Variants in PLEKHA5 observed in about 807,000 individuals in gnomAD.
PLEKHA5 encodes pleckstrin homology domain-containing family A member 5.
PLEKHA5 carries 55 observed loss-of-function variants against 181.9 expected under a neutral mutation model. The ratio of observed to expected loss-of-function variants is 0.30; its 90% CI spans 0.24 to 0.38. The LOEUF (loss-of-function observed/expected upper bound fraction) is 0.38. PLEKHA5 is among the 10% of genes least tolerant of loss of function. PLEKHA5 has a pLI of 1.00. For synonymous variants in PLEKHA5, 535 were observed against 529.4 expected (o/e 1.01, Z -0.15); for missense variants, 1,432 against 1,549.5 (o/e 0.92, Z 1.27).
At chr12:19,306,473 C>G (rs746667969) in intron 15 of PLEKHA5, 1 of 659,870 alleles carries the variant, frequency 1.5e-6, no homozygotes, top group Admixed American at 2.0e-5. Flanking sequence ...TCCCACGAAC[C>G]GGTTCCTCTT....
At chr12:19,374,187 T>A (rs2095655721) in intron 31 of PLEKHA5, among the ~76,000 whole-genome samples, 1 of 152,124 alleles carries the variant, frequency 6.6e-6, no homozygotes, top group African/African-American at 2.4e-5. Flanking sequence ...AGTGGAGTTA[T>A]GCAAATGTTT....
At chr12:19,159,209 C>T (rs2042424129) in intron 3 of PLEKHA5, among the ~76,000 whole-genome samples, 1 of 152,128 alleles carries the variant, frequency 6.6e-6, no homozygotes, top group African/African-American at 2.4e-5. Context: ...CTGTTTATTT[C>T]CTCCTGTTTG....
chr12:19,236,168 C>T (rs1280620113), intron 3 of PLEKHA5, among the ~76,000 whole-genome samples: 2 of 152,166 alleles, frequency 1.3e-5, no homozygotes, highest in East Asian at 3.8e-4. Context: ...TACCAACAAA[C>T]TCTGGTTTGA....
intron 20 of PLEKHA5, among the ~76,000 whole-genome samples, chr12:19,332,299 T>G (rs537046979): frequency 4.2e-4 from 64 of 152,094 alleles, no homozygotes; most frequent in Admixed American, 7.2e-4. Flanking sequence ...CAATCCCTCC[T>G]CCTGCCCAAC....
Position 19,361,567 on chromosome 12 carries a change from CT to C in PLEKHA5, c.3484-10del, listed in dbSNP as rs1482031124. The C allele has an allele frequency of 1.5e-6, 2 of 1,294,512 alleles. No individual in the cohort carries two copies. Among genetic ancestry groups the C allele is most frequent in the East Asian group, 2.3e-5 (1 of 42,756 alleles). 80.2% of individuals were successfully genotyped at this position (1,294,512 alleles called of 1,614,324 possible). On this transcript the variant is annotated splice_polypyrimidine_tract_variant and intron_variant, in intron 28 of 31. Transcript: ENST00000429027. ...AGAATTCTTTGAAAAGAAAATTTTT[CT>C]TTTTATTCTACAGTTAAAAAAAACT...
chr12:19,358,277 G>A lies in PLEKHA5; in HGVS notation c.3188G>A (p.Arg1063Gln), dbSNP rs1374972914. 28 of 1,613,806 alleles carry A rather than the reference G, an allele frequency of 1.7e-5. No individual in the cohort carries two copies. Among genetic ancestry groups the A allele is most frequent in the Middle Eastern group, 3.3e-4 (2 of 6,084 alleles). Residue 1063 changes from arginine (R) to glutamine (Q), a missense_variant, in exon 27 of 32, where the codon CGA (arginine) becomes CAA (glutamine). Transcript: ENST00000429027. The stretch of plus-strand genomic sequence containing the variant: ...CAGCTCTGTTTGGCTGAAAGTACTC[G>A]ACCAAGGATGACTGTGGAAGAGCAA... Reference protein sequence around the residue: ...VEQLCLAESTRPRMTVEEQME... With the variant: ...VEQLCLAESTQPRMTVEEQME...
chr12:19,269,239 T>G lies in PLEKHA5; in HGVS notation c.712-531T>G, dbSNP rs559769046. ...CCCGTCTCTACTAAAATACAAAAAT[T>G]AGTTGGGCATGGTGGCACATGCCTG... On this transcript the variant is annotated intron_variant, in intron 8 of 31. Transcript: ENST00000429027. 3.3e-5 allele frequency among the ~76,000 whole-genome samples: 5 copies of G among 151,946 alleles called. No homozygotes were observed. In the South Asian group the frequency reaches 1.0e-3, roughly 32 times the overall value.
intron 25 of PLEKHA5, among the ~76,000 whole-genome samples, chr12:19,352,349 T>C (rs2094642701): frequency 6.6e-6 from 1 of 151,246 alleles, no homozygotes; most frequent in Non-Finnish European, 1.5e-5. Flanking sequence ...CGTGCCATTG[T>C]ACTTCAGCCT....
chr12:19,327,544 C>G (rs2092340664), intron 20 of PLEKHA5, among the ~76,000 whole-genome samples: 1 of 151,594 alleles, frequency 6.6e-6, no homozygotes, highest in Admixed American at 6.6e-5. Flanking sequence ...ATTCTGTAGG[C>G]TGTTTACTCC....
At chr12:19,288,076 TCA>T in intron 13 of PLEKHA5, 1 of 229,906 alleles carries the variant, frequency 4.3e-6, no homozygotes, top group Non-Finnish European at 7.9e-6. Flanking sequence ...AGACTCTGTC[TCA>T]AAAAAAAAAA....
intron 3 of PLEKHA5, among the ~76,000 whole-genome samples, chr12:19,155,877 A>G (rs946047217): frequency 6.6e-6 from 1 of 152,218 alleles, no homozygotes; most frequent in Non-Finnish European, 1.5e-5. Context: ...GACTCTGAAA[A>G]TAACTCATCT....
intron 15 of PLEKHA5, among the ~76,000 whole-genome samples, chr12:19,295,241 A>T (rs2079461477): frequency 6.6e-6 from 1 of 152,226 alleles, no homozygotes; most frequent in Non-Finnish European, 1.5e-5. Context: ...GTTGTTGCTG[A>T]ATATTGGAGA....
At chr12:19,257,190 A>T (rs1020986342) in intron 5 of PLEKHA5, among the ~76,000 whole-genome samples, 5 of 152,180 alleles carry the variant, frequency 3.3e-5, no homozygotes, top group African/African-American at 1.2e-4. Context: ...TGTATATCCT[A>T]TCCAGATTTT....
At position 19,366,654 on chromosome 12, in the gene PLEKHA5, G is replaced by A. The variant is rs1392905130; in HGVS notation, c.3754+545G>A. 4.6e-5 allele frequency among the ~76,000 whole-genome samples: 7 copies of A among 152,146 alleles called. No individual in the cohort carries two copies. In the East Asian group the frequency reaches 7.8e-4, roughly 17 times the overall value. On this transcript the variant is annotated intron_variant, in intron 30 of 31. Coordinates refer to ENST00000429027, the MANE Select transcript of PLEKHA5 (RefSeq NM_001256470.2). ...GGTGACAGAGCGAGACTCCTTCTCA[G>A]AAAAGAAAAGAAAATCTTTCAGTAC...
rs2081959494 is a variant in PLEKHA5, at chr12:19,302,905, A to ATTTTTT, written c.2037+11208_2037+11209insTTTTTT. ...TGTTGGACAGCACTGTTCTGTATGA[A>ATTTTTT]ATTTTTTTTTTTTTTTTTTTTTTTT... On this transcript the variant is annotated intron_variant, in intron 15 of 31. Coordinates refer to ENST00000429027, the MANE Select transcript of PLEKHA5 (RefSeq NM_001256470.2). Among the ~76,000 whole-genome samples, 554 of 106,414 alleles carry ATTTTTT rather than the reference A, an allele frequency of 5.2e-3. 12 individuals carry two copies. The highest frequency in any genetic ancestry group is 0.024 in the East Asian group (79 of 3,330). 69.8% of individuals were successfully genotyped at this position (106,414 alleles called of 152,430 possible).
intron 28 of PLEKHA5, among the ~76,000 whole-genome samples, chr12:19,360,503 C>T (rs2095183972): frequency 6.6e-6 from 1 of 151,510 alleles, no homozygotes; most frequent in South Asian, 2.1e-4. Flanking sequence ...ACTTGGGAGG[C>T]TGAAGCAGGA....
intron 28 of PLEKHA5, among the ~76,000 whole-genome samples, chr12:19,360,070 G>T (rs945023144): frequency 2.6e-5 from 4 of 152,100 alleles, no homozygotes; most frequent in African/African-American, 9.7e-5. Flanking sequence ...GGTGGCTGGT[G>T]TGTGTAATCC....
chr12:19,228,099 C>G (rs1471932476), intron 3 of PLEKHA5, among the ~76,000 whole-genome samples: 1 of 152,186 alleles, frequency 6.6e-6, no homozygotes, highest in African/African-American at 2.4e-5. Context: ...ATGGGAAAAT[C>G]AGCTTTCTCA....
intron 3 of PLEKHA5, among the ~76,000 whole-genome samples, chr12:19,246,296 A>G (rs1425463314): frequency 6.6e-6 from 1 of 151,204 alleles, no homozygotes; most frequent in East Asian, 2.0e-4. Context: ...TGTTATATAT[A>G]TGTAACATTA....
Sources: gnomAD v4.1 joint callset for allele counts (sites outside exome capture counted in the v4.1 genomes callset) on GRCh38, gnomAD v4.1.1 for gene constraint, MANE v1.5 for transcripts, NCBI Gene and HGNC (gene_info 2026-07-23, HGNC 2026-07-21) for gene names.